The following RTL4 variants were observed in gnomAD, a reference collection of about 807,000 sequenced individuals.
RTL4 encodes retrotransposon Gag like 4.
Under a neutral mutation model 5.3 loss-of-function variants are expected in RTL4, and 4 were observed. The ratio of observed to expected loss-of-function variants is 0.75; its 90% CI spans 0.37 to 1.72. The LOEUF (loss-of-function observed/expected upper bound fraction) is 1.72. RTL4 is among the 40% of genes most tolerant of loss of function. The pLI, the probability that RTL4 is intolerant of heterozygous loss-of-function variation, is 0.04. For missense variants in RTL4, 260 were observed against 227.1 expected (o/e 1.14, Z -0.93); for synonymous variants, 98 against 87.3 (o/e 1.12, Z -0.68).
the RTL4 span, among the ~76,000 whole-genome samples, chrX:112,174,991 A>G: frequency 2.7e-4 from 21 of 76,525 alleles, no homozygotes; most frequent in African/African-American, 8.5e-4. Flanking sequence ...CCTTTGTCAG[A>G]TGAGTAGGTT....
exon 1 of RTL4, chrX:112,455,513 G>C: frequency 8.3e-7 from 1 of 1,211,282 alleles, no homozygotes; most frequent in Non-Finnish European, 1.1e-6. Context: ...CTGCGAGAAG[G>C]CCAGCTGCCT....
At chrX:112,332,568 A>G in the RTL4 span, among the ~76,000 whole-genome samples, 1 of 109,053 alleles carries the variant, frequency 9.2e-6, no homozygotes, top group South Asian at 4.1e-4. Context: ...ATTCTCAGCA[A>G]ACTATCGCAA....
the RTL4 span, among the ~76,000 whole-genome samples, chrX:112,288,464 G>A: frequency 8.9e-6 from 1 of 112,007 alleles, no homozygotes; most frequent in Admixed American, 9.5e-5. Flanking sequence ...CTTCAAGTGT[G>A]CCAATATTCA....
chrX:112,201,238 G>A, the RTL4 span, among the ~76,000 whole-genome samples: 1 of 111,037 alleles, frequency 9.0e-6, no homozygotes, highest in African/African-American at 3.3e-5. Flanking sequence ...CCACCCCCAT[G>A]ATTCAATTAC....
At chrX:112,320,003 G>A in the RTL4 span, 4 of 113,339 alleles carry the variant, frequency 3.5e-5, no homozygotes, top group Non-Finnish European at 7.5e-5. Context: ...AGGCAGTGTA[G>A]GTTAGGATCT....
chrX:112,155,998 C>T, the RTL4 span, among the ~76,000 whole-genome samples: 2 of 112,016 alleles, frequency 1.8e-5, no homozygotes, highest in Admixed American at 9.5e-5. Context: ...AGCAGCTCAG[C>T]GTCAAATTGT....
chrX:112,160,566 A>C, the RTL4 span, among the ~76,000 whole-genome samples: 3 of 112,125 alleles, frequency 2.7e-5, no homozygotes, highest in African/African-American at 9.7e-5. Flanking sequence ...GTGAAAGTAC[A>C]TAAAAAATGC....
the RTL4 span, among the ~76,000 whole-genome samples, chrX:112,290,952 A>G: frequency 8.9e-6 from 1 of 111,993 alleles, no homozygotes; most frequent in Non-Finnish European, 1.9e-5. Flanking sequence ...TGGCTATTAA[A>G]TGGGATATGG....
chrX:112,285,407 G>T, the RTL4 span, among the ~76,000 whole-genome samples: 1 of 111,853 alleles, frequency 8.9e-6, no homozygotes. Flanking sequence ...ATTTTCAATA[G>T]ATGGATCCTT....
At chrX:112,348,642 T>C in the RTL4 span, among the ~76,000 whole-genome samples, 41 of 110,678 alleles carry the variant, frequency 3.7e-4, no homozygotes, top group Non-Finnish European at 7.0e-4. Flanking sequence ...ATATACTGTG[T>C]TCCTAAAGAC....
the RTL4 span, among the ~76,000 whole-genome samples, chrX:112,310,120 C>T: frequency 9.7e-5 from 10 of 103,015 alleles, no homozygotes; most frequent in Admixed American, 3.4e-4. Flanking sequence ...GAATTGTACC[C>T]CCTTCCAAAT....
At chrX:112,385,395 A>AT in the RTL4 span, among the ~76,000 whole-genome samples, 8 of 105,608 alleles carry the variant, frequency 7.6e-5, no homozygotes, top group Admixed American at 1.0e-4. Flanking sequence ...GTAAAAGTGT[A>AT]TTTTTTTTTT....
chrX:112,257,108 T>C, the RTL4 span, among the ~76,000 whole-genome samples: 8 of 112,211 alleles, frequency 7.1e-5, no homozygotes, highest in African/African-American at 2.6e-4. Flanking sequence ...TTTATAGCTG[T>C]TATACATTTT....
At chrX:112,384,075 G>T in the RTL4 span, among the ~76,000 whole-genome samples, 1 of 111,693 alleles carries the variant, frequency 9.0e-6, no homozygotes, top group African/African-American at 3.3e-5. Context: ...CTAGAAGTGG[G>T]GTTTCTGGAT....
At chrX:112,303,505 G>T in the RTL4 span, among the ~76,000 whole-genome samples, 1 of 101,357 alleles carries the variant, frequency 9.9e-6, no homozygotes, top group African/African-American at 3.7e-5. Flanking sequence ...ACTATTGCAA[G>T]GACAAAAAAC....
At chrX:112,247,723 T>A in the RTL4 span, among the ~76,000 whole-genome samples, 1 of 112,405 alleles carries the variant, frequency 8.9e-6, no homozygotes, top group African/African-American at 3.2e-5. Context: ...CCTTCCACTA[T>A]GCCATGCCAC....
At chrX:112,353,732 T>C in the RTL4 span, among the ~76,000 whole-genome samples, 920 of 109,965 alleles carry the variant, frequency 8.4e-3, 8 homozygotes, top group Non-Finnish European at 0.014. Context: ...TACCTAATGC[T>C]AAATGACGAG....
chrX:112,298,890 G>A, the RTL4 span, among the ~76,000 whole-genome samples: 2 of 112,676 alleles, frequency 1.8e-5, no homozygotes, highest in Non-Finnish European at 3.7e-5. Context: ...GATTATCAAA[G>A]CAACGCTCTG....
the RTL4 span, among the ~76,000 whole-genome samples, chrX:112,406,723 T>C: frequency 9.0e-6 from 1 of 110,564 alleles, no homozygotes; most frequent in African/African-American, 3.3e-5. Context: ...GCTGCACAGC[T>C]TGCAGCTGCA....
Sources: allele counts gnomAD v4.1 joint callset (sites outside exome capture counted in the v4.1 genomes callset), GRCh38; gene constraint gnomAD v4.1.1; transcripts MANE v1.5; gene names NCBI Gene and HGNC (gene_info 2026-07-23, HGNC 2026-07-21).